Variants in METTL15 observed in about 807,000 individuals in gnomAD.
METTL15 encodes methyltransferase 15, mitochondrial 12S rRNA N4-cytidine, also known as 12S rRNA N(4)-cytidine methyltransferase METTL15.
METTL15 carries 34 observed loss-of-function variants against 38.3 expected under a neutral mutation model. That is an observed-to-expected ratio of 0.89 (90% confidence interval 0.68 to 1.18). The LOEUF is 1.18. Among genes scored for constraint, METTL15 ranks in the 50% most tolerant of loss-of-function variants. METTL15 has a pLI of 0.00. For missense variants in METTL15, 438 were observed against 498.4 expected, an observed-to-expected ratio of 0.88 and a Z score of 1.15; for synonymous variants, 162 against 170.9, an observed-to-expected ratio of 0.95 and a Z score of 0.41.
intron 5 of METTL15, among the ~76,000 whole-genome samples, chr11:28,363,840 ATT>A (rs1850162698): frequency 6.6e-6 from 1 of 152,176 alleles, no homozygotes; most frequent in Non-Finnish European, 1.5e-5. Context: ...GCTTTAATCC[ATT>A]TTGAGTTAAT....
At chr11:28,470,172 T>TA (rs1851291064) in intron 6 of METTL15, among the ~76,000 whole-genome samples, 1 of 152,154 alleles carries the variant, frequency 6.6e-6, no homozygotes, top group Non-Finnish European at 1.5e-5. Context: ...TTTAGAATCA[T>TA]AAAAAATTCA....
At chr11:28,399,622 G>C (rs1394333642) in intron 5 of METTL15, among the ~76,000 whole-genome samples, 4 of 151,406 alleles carry the variant, frequency 2.6e-5, no homozygotes, top group Non-Finnish European at 5.9e-5. Context: ...CACACCTTAT[G>C]CACACATAAG....
At chr11:28,109,548 C>G (rs1851626909) in intron 1 of METTL15, among the ~76,000 whole-genome samples, 1 of 152,132 alleles carries the variant, frequency 6.6e-6, no homozygotes, top group East Asian at 1.9e-4. Context: ...TTGTCTTGAA[C>G]TATACAGGCA....
intron 4 of METTL15, among the ~76,000 whole-genome samples, chr11:28,246,050 G>A (rs573523343): frequency 1.3e-5 from 2 of 152,186 alleles, no homozygotes; most frequent in Non-Finnish European, 1.5e-5. Context: ...TATTTCTGGC[G>A]AGGCGGCGAT....
chr11:28,334,181 T>C (rs1476668854), downstream of METTL15, among the ~76,000 whole-genome samples: 1 of 152,010 alleles, frequency 6.6e-6, no homozygotes, highest in African/African-American at 2.4e-5. Flanking sequence ...TCTCCCTCTT[T>C]TTATATACCA....
intron 5 of METTL15, among the ~76,000 whole-genome samples, chr11:28,388,231 G>T (rs1850461880): frequency 6.6e-6 from 1 of 151,868 alleles, no homozygotes; most frequent in South Asian, 2.1e-4. Context: ...CCAAGAAAAA[G>T]AAATAAAACT....
chr11:28,117,433 C>T (rs1291132109), intron 3 of METTL15, among the ~76,000 whole-genome samples: 4 of 151,894 alleles, frequency 2.6e-5, no homozygotes, highest in Non-Finnish European at 5.9e-5. Context: ...TTATGTTGCA[C>T]TAAGCCATGG....
intron 6 of METTL15, among the ~76,000 whole-genome samples, chr11:28,432,749 A>G (rs772195287): frequency 2.6e-5 from 4 of 152,194 alleles, no homozygotes; most frequent in African/African-American, 7.2e-5. Flanking sequence ...ACACGTAGGG[A>G]CATATTCAAT....
At chr11:28,432,559 C>A (rs1257294231) in intron 6 of METTL15, among the ~76,000 whole-genome samples, 2 of 152,176 alleles carry the variant, frequency 1.3e-5, no homozygotes, top group Non-Finnish European at 2.9e-5. Context: ...TATAGAAAAA[C>A]GAGAAAGAGT....
intron 4 of METTL15, among the ~76,000 whole-genome samples, chr11:28,235,875 G>A (rs1853937792): frequency 6.6e-6 from 1 of 152,240 alleles, no homozygotes; most frequent in Admixed American, 6.5e-5. Flanking sequence ...GGGCATCCGT[G>A]TCTTGTGCCA....
chr11:28,515,989 G>A (rs1003869691), intron 6 of METTL15, among the ~76,000 whole-genome samples: 7 of 152,248 alleles, frequency 4.6e-5, no homozygotes, highest in South Asian at 2.1e-4. Context: ...ACATCTAATC[G>A]TAAGCCCAAA....
intron 3 of METTL15, among the ~76,000 whole-genome samples, chr11:28,198,100 G>T (rs1006113243): frequency 2.0e-5 from 3 of 152,036 alleles, no homozygotes; most frequent in Admixed American, 6.6e-5. Flanking sequence ...TGTTTGTCCA[G>T]TATGGGTTAT....
At chr11:28,253,854 G>A (rs1351587013) in intron 4 of METTL15, among the ~76,000 whole-genome samples, 1 of 151,942 alleles carries the variant, frequency 6.6e-6, no homozygotes. Context: ...TTGTGTATAA[G>A]TACCACATTT....
intron 5 of METTL15, among the ~76,000 whole-genome samples, chr11:28,416,050 G>T (rs1850769505): frequency 3.9e-5 from 6 of 152,154 alleles, no homozygotes; most frequent in Admixed American, 3.9e-4. Flanking sequence ...TTTGAGAAAT[G>T]TACCTCTGAA....
intron 3 of METTL15, among the ~76,000 whole-genome samples, chr11:28,196,385 GT>G: frequency 6.6e-6 from 1 of 151,984 alleles, no homozygotes; most frequent in Admixed American, 6.6e-5. Context: ...TTTTAGCAGT[GT>G]TTTGTAGCTC....
At chr11:28,141,663 G>C (rs1165215471) in intron 3 of METTL15, among the ~76,000 whole-genome samples, 1 of 152,006 alleles carries the variant, frequency 6.6e-6, no homozygotes, top group Non-Finnish European at 1.5e-5. Context: ...ACTCCAGCCT[G>C]GTTAACACAC....
intron 6 of METTL15, among the ~76,000 whole-genome samples, chr11:28,434,934 T>C (rs953833156): frequency 2.0e-5 from 3 of 152,220 alleles, no homozygotes; most frequent in African/African-American, 7.2e-5. Flanking sequence ...AAGGCAGAAA[T>C]GCATGAGCAA....
At chr11:28,201,487 T>G (rs2133820407) in intron 3 of METTL15, among the ~76,000 whole-genome samples, 1 of 152,052 alleles carries the variant, frequency 6.6e-6, no homozygotes, top group East Asian at 1.9e-4. Context: ...TCTGGTAGAG[T>G]TTGACTGTGA....
chr11:28,378,405 G>C (rs1387601869), intron 5 of METTL15, among the ~76,000 whole-genome samples: 1 of 152,228 alleles, frequency 6.6e-6, no homozygotes, highest in Non-Finnish European at 1.5e-5. Context: ...TCGGGTGGGA[G>C]TGAACCGATT....
Sources: allele counts gnomAD v4.1 joint callset (sites outside exome capture counted in the v4.1 genomes callset), GRCh38; gene constraint gnomAD v4.1.1; transcripts MANE v1.5; gene names NCBI Gene and HGNC (gene_info 2026-07-23, HGNC 2026-07-21).